The following EBF1 variants were observed in gnomAD, a reference collection of about 807,000 sequenced individuals.
EBF1 encodes transcription factor COE1.
Under a neutral mutation model 68.4 loss-of-function variants are expected in EBF1, and 10 were observed. That is an observed-to-expected ratio of 0.15 (90% CI 0.09 to 0.25). The LOEUF is 0.25. EBF1 is among the 10% of genes least tolerant of loss of function. The pLI is 1.00. For missense variants in EBF1, 509 were observed against 794.4 expected, an observed-to-expected ratio of 0.64 and a Z score of 4.32; for synonymous variants, 298 against 299.8, an observed-to-expected ratio of 0.99 and a Z score of 0.06.
chr5:158,890,300 A>C (rs1185998042), intron 6 of EBF1, among the ~76,000 whole-genome samples: 1 of 152,220 alleles, frequency 6.6e-6, no homozygotes, highest in African/African-American at 2.4e-5. Flanking sequence ...TCAATGTGGT[A>C]ATTATGCTTT....
intron 6 of EBF1, among the ~76,000 whole-genome samples, chr5:158,921,710 G>A (rs1420199190): frequency 1.3e-5 from 2 of 152,098 alleles, no homozygotes; most frequent in African/African-American, 2.4e-5. Context: ...TTGTTTTGGC[G>A]GTTTGTGGTT....
chr5:158,813,078 C>T (rs914499631), intron 8 of EBF1, among the ~76,000 whole-genome samples: 8 of 152,134 alleles, frequency 5.3e-5, no homozygotes, highest in African/African-American at 1.9e-4. Flanking sequence ...AACAGCATTT[C>T]CCAAACTTCA....
At chr5:158,942,848 C>G (rs1399808696) in intron 6 of EBF1, among the ~76,000 whole-genome samples, 1 of 129,710 alleles carries the variant, frequency 7.7e-6, no homozygotes, top group Non-Finnish European at 1.6e-5. Context: ...AGAATGTGGT[C>G]GAAGGAGGAG....
At chr5:158,900,304 G>A (rs62385378) in intron 6 of EBF1, among the ~76,000 whole-genome samples, 18,032 of 152,170 alleles carry the variant, frequency 0.12, 1,139 homozygotes, top group African/African-American at 0.14. Flanking sequence ...GAGGGGAGTG[G>A]AGGGTGCAAA....
intron 6 of EBF1, among the ~76,000 whole-genome samples, chr5:159,029,702 CCTAACA>C (rs147749872): frequency 0.02 from 3,053 of 152,210 alleles, 90 homozygotes; most frequent in African/African-American, 0.069. Flanking sequence ...TGCCTGTAAT[CCTAACA>C]CTTTGGAAGC....
chr5:158,790,885 C>A (rs1215071483), intron 9 of EBF1, among the ~76,000 whole-genome samples: 1 of 152,142 alleles, frequency 6.6e-6, no homozygotes, highest in Non-Finnish European at 1.5e-5. Context: ...TTAAATAATT[C>A]TTTTGCAAAT....
chr5:158,931,755 G>C (rs1014202359), intron 6 of EBF1, among the ~76,000 whole-genome samples: 21 of 152,126 alleles, frequency 1.4e-4, no homozygotes, highest in African/African-American at 5.1e-4. Flanking sequence ...TGCCAGATGA[G>C]AATATATAGA....
chr5:159,048,307 T>C (rs1378059497), intron 6 of EBF1, among the ~76,000 whole-genome samples: 1 of 152,202 alleles, frequency 6.6e-6, no homozygotes, highest in Non-Finnish European at 1.5e-5. Flanking sequence ...TCAGCTTCTA[T>C]AACAGATGCA....
chr5:158,706,607 A>C (rs945096499), intron 15 of EBF1, among the ~76,000 whole-genome samples: 1 of 152,214 alleles, frequency 6.6e-6, no homozygotes, highest in Non-Finnish European at 1.5e-5. Context: ...AACAGGGCTG[A>C]GATATCCCAG....
chr5:158,837,530 T>C (rs1789080840), intron 7 of EBF1, among the ~76,000 whole-genome samples: 1 of 152,216 alleles, frequency 6.6e-6, no homozygotes, highest in African/African-American at 2.4e-5. Context: ...TATAAGACTT[T>C]CCAGATATCT....
At chr5:158,983,033 C>T (rs1039981538) in intron 6 of EBF1, 4 of 152,294 alleles carry the variant, frequency 2.6e-5, no homozygotes, top group African/African-American at 9.6e-5. Context: ...CCCTGGATAT[C>T]CATCTTGGGG....
intron 6 of EBF1, among the ~76,000 whole-genome samples, chr5:158,906,304 G>GAAA (rs1238469759): frequency 6.6e-5 from 6 of 90,466 alleles, no homozygotes; most frequent in East Asian, 4.2e-4. Flanking sequence ...TGGCAATGCA[G>GAAA]AAAAAAAAAA....
chr5:158,991,144 T>C lies in EBF1; in HGVS notation c.554+82252A>G, dbSNP rs546139955. 1.1e-4 allele frequency among the ~76,000 whole-genome samples: 16 copies of C among 152,342 alleles called. No homozygotes were observed. In the East Asian group the frequency reaches 2.5e-3, roughly 24 times the overall value. ...AACTTTGATTTCTACGTTTGTTAAA[T>C]AGAGTTAATAATCCCTACCCCTGGC... On this transcript the variant is annotated intron_variant, in intron 6 of 15. Transcript: ENST00000313708.
intron 6 of EBF1, among the ~76,000 whole-genome samples, chr5:158,866,440 G>A (rs547410764): frequency 6.6e-6 from 1 of 152,110 alleles, no homozygotes; most frequent in South Asian, 2.1e-4. Flanking sequence ...AGCTCTGATC[G>A]GGTACTGTCC....
intron 9 of EBF1, among the ~76,000 whole-genome samples, chr5:158,780,397 G>A (rs1003040681): frequency 1.2e-4 from 18 of 151,938 alleles, no homozygotes; most frequent in African/African-American, 4.1e-4. Context: ...AGGAGGGAGG[G>A]CTAGTCTAAA....
chr5:158,816,373 C>A (rs551292792), intron 8 of EBF1, among the ~76,000 whole-genome samples: 2 of 152,308 alleles, frequency 1.3e-5, no homozygotes, highest in East Asian at 1.9e-4. Context: ...CTATGCAAAC[C>A]CTGAAATGCA....
At chr5:158,782,951 A>C (rs1017054468) in intron 9 of EBF1, among the ~76,000 whole-genome samples, 1 of 152,206 alleles carries the variant, frequency 6.6e-6, no homozygotes, top group Admixed American at 6.5e-5. Flanking sequence ...CACTGCTTGT[A>C]TATCATGTAA....
chr5:158,863,869 A>G (rs1437004090), intron 6 of EBF1, among the ~76,000 whole-genome samples: 1 of 152,174 alleles, frequency 6.6e-6, no homozygotes, highest in Non-Finnish European at 1.5e-5. Flanking sequence ...ATGAAAATAT[A>G]CAGAAACCGG....
intron 6 of EBF1, among the ~76,000 whole-genome samples, chr5:159,050,458 C>T (rs760000743): frequency 8.5e-5 from 13 of 152,116 alleles, no homozygotes; most frequent in South Asian, 2.1e-4. Flanking sequence ...GGACAATGTA[C>T]GTGGTGTGGG....
Sources: gnomAD v4.1 joint callset for allele counts (sites outside exome capture counted in the v4.1 genomes callset) on GRCh38, gnomAD v4.1.1 for gene constraint, MANE v1.5 for transcripts, NCBI Gene and HGNC (gene_info 2026-07-23, HGNC 2026-07-21) for gene names.